Variants in ZNF605 observed in about 807,000 individuals in gnomAD.
ZNF605 encodes zinc finger protein 605.
A neutral mutation model predicts 7.9 loss-of-function variants in ZNF605; 9 were observed. That is an observed-to-expected ratio of 1.14 (90% CI 0.68 to 1.98). The LOEUF is 1.98. Ranked by LOEUF, ZNF605 falls within the 30% of genes most tolerant of loss-of-function variation. ZNF605 has a pLI of 0.00. For missense variants in ZNF605, 673 were observed against 762.4 expected, an observed-to-expected ratio of 0.88 and a Z score of 1.38; for synonymous variants, 255 against 260.1, an observed-to-expected ratio of 0.98 and a Z score of 0.19.
chr12:132,929,024 C>T (rs1186953407), intron 4 of ZNF605, among the ~76,000 whole-genome samples: 1 of 14,670 alleles, frequency 6.8e-5, no homozygotes, highest in Non-Finnish European at 3.8e-4. Context: ...AAAAACAAAA[C>T]AAAACAAAAC....
Position 132,926,896 on chromosome 12 carries a change from T to C in ZNF605, c.403A>G (p.Arg135Gly), listed in dbSNP as rs1212841247. The C allele has an allele frequency of 1.2e-6, 2 of 1,614,130 alleles. No individual in the cohort carries two copies. Among genetic ancestry groups the C allele is most frequent in the East Asian group, 4.5e-5 (2 of 44,892 alleles). The stretch of plus-strand genomic sequence containing the variant: ...CAGTATTTTATCCCACCATGGGTTC[T>C]GCCAGGTTTGATACAGAACAATAAT... ...KKLLFCIKPGRTHGGIKYCDC... is the reference protein window; with the variant it reads ...KKLLFCIKPGGTHGGIKYCDC... Residue 135 changes from arginine (R) to glycine (G), a missense_variant, in exon 5 of 5, where the codon AGA becomes GGA. Arg to Gly is a moderately radical substitution (Grantham distance 125). Transcript: ENST00000360187.
intron 1 of ZNF605, among the ~76,000 whole-genome samples, chr12:132,954,059 C>T (rs1057381975): frequency 9.2e-5 from 14 of 151,912 alleles, no homozygotes; most frequent in Non-Finnish European, 1.0e-4. Flanking sequence ...CCCCATTCAA[C>T]GATGTACACT....
chr12:132,952,450 CAAAAAAA>C lies in ZNF605; in HGVS notation c.-286+3786_-286+3792del, dbSNP rs76640666. On this transcript the variant is annotated intron_variant, in intron 1 of 4. Coordinates refer to ENST00000360187, the MANE Select transcript of ZNF605 (RefSeq NM_183238.4). ...CACTCAAGCATGGGCGACTCTGTCT[CAAAAAAA>C]AAAAAAAAAAAAGGAAATTTTAACT... 2.0e-4 allele frequency among the ~76,000 whole-genome samples: 18 copies of C among 88,938 alleles called. 1 individual carries two copies. Among genetic ancestry groups the C allele is most frequent in the Admixed American group, 9.3e-4 (7 of 7,552 alleles). 58.3% of individuals were successfully genotyped at this position (88,938 alleles called of 152,430 possible). A position where few individuals can be genotyped will look rare whatever the true frequency, so the allele number is the denominator to read the frequency against.
At chr12:132,927,750 G>A (rs1004650675) in intron 4 of ZNF605, among the ~76,000 whole-genome samples, 17 of 148,086 alleles carry the variant, frequency 1.1e-4, no homozygotes, top group African/African-American at 2.3e-4. Flanking sequence ...TCCACCTCCC[G>A]GGTTCAAGCG....
intron 1 of ZNF605, 146 bp downstream of exon 1, chr12:132,956,097 C>T (rs1952634929): frequency 6.6e-6 from 1 of 150,716 alleles, no homozygotes; most frequent in African/African-American, 2.4e-5. Flanking sequence ...GCAGGCCTTT[C>T]TCGCCCCAGC....
chr12:132,953,255 C>T (rs959530074), intron 1 of ZNF605, among the ~76,000 whole-genome samples: 38 of 152,298 alleles, frequency 2.5e-4, no homozygotes, highest in South Asian at 4.1e-4. Flanking sequence ...CCCAAGAGGC[C>T]GCCCCTCCAG....
Position 132,923,683 on chromosome 12 carries a change from T to A in ZNF605, c.*1690A>T, listed in dbSNP as rs1952222711. 1 of 152,238 alleles carries A rather than the reference T, an allele frequency of 6.6e-6. No individual in the cohort carries two copies. The highest frequency in any genetic ancestry group is 2.4e-5 in the African/African-American group (1 of 41,466). The allele number at this position is 152,238 out of a possible 1,614,324, so 9.4% of individuals were successfully genotyped here. On this transcript the variant is annotated 3_prime_UTR_variant, in exon 5 of 5. Coordinates refer to ENST00000360187, the MANE Select transcript of ZNF605 (RefSeq NM_183238.4). ...CTGCTGTGATGTAAATTATGTTTAT[T>A]CTACTTCAGGTCATTTGAGCTTCTT...
At chr12:132,939,436 C>T (rs1427743002) in intron 3 of ZNF605, among the ~76,000 whole-genome samples, 20 of 152,162 alleles carry the variant, frequency 1.3e-4, no homozygotes, top group African/African-American at 3.4e-4. Flanking sequence ...ACACACCAAT[C>T]AGCACCCTGT....
At position 132,924,301 on chromosome 12, in the gene ZNF605, CT is replaced by C. The variant is rs1164422830; in HGVS notation, c.*1071del. The C allele has an allele frequency of 6.6e-6, 1 of 152,232 alleles. No homozygotes were observed. Among genetic ancestry groups the C allele is most frequent in the African/African-American group, 2.4e-5 (1 of 41,454 alleles). The allele number at this position is 152,232 out of a possible 1,614,324, so 9.4% of individuals were successfully genotyped here. On this transcript the variant is annotated 3_prime_UTR_variant, in exon 5 of 5. Coordinates refer to ENST00000360187, the MANE Select transcript of ZNF605 (RefSeq NM_183238.4). ...AACAAAACCTTTCTGAGAATTCTAC[CT>C]GATGCTCCATGTGTTTCCACTCTGT...
At chr12:132,931,423 G>T in intron 4 of ZNF605, among the ~76,000 whole-genome samples, 1 of 152,124 alleles carries the variant, frequency 6.6e-6, no homozygotes, top group Non-Finnish European at 1.5e-5. Context: ...ATGTCCATCA[G>T]GCCTGAGTTA....
chr12:132,942,257 C>T (rs1952450526), intron 3 of ZNF605, among the ~76,000 whole-genome samples: 1 of 152,200 alleles, frequency 6.6e-6, no homozygotes, highest in Non-Finnish European at 1.5e-5. Flanking sequence ...TAAAAGCTTT[C>T]TCCTCCTCCT....
Position 132,925,399 on chromosome 12 carries a change from T to C in ZNF605, c.1900A>G (p.Ile634Val). Reference sequence around the variant, plus strand: ...TATATTATATGATTTCTCTGATGTATCATAAGCTGCGACTTCCTGTTGAAG... The same window carrying C: ...TATATTATATGATTTCTCTGATGTACCATAAGCTGCGACTTCCTGTTGAAG... ...TTFNRKSQLM[I>V]HQRNHII Residue 634 changes from isoleucine to valine, a missense_variant, in exon 5 of 5, where the codon ATA becomes GTA. Physicochemically the swap from Ile to Val is conservative, Grantham distance 29. Transcript: ENST00000360187. The C allele has an allele frequency of 6.2e-7, 1 of 1,603,780 alleles. No individual in the cohort carries two copies. The highest frequency in any genetic ancestry group is 1.1e-5 in the South Asian group (1 of 89,618).
intron 3 of ZNF605, among the ~76,000 whole-genome samples, chr12:132,937,518 C>G (rs1952381233): frequency 6.7e-6 from 1 of 150,144 alleles, no homozygotes; most frequent in Non-Finnish European, 1.5e-5. Flanking sequence ...CACACACAGA[C>G]ACACACACAC....
chr12:132,925,903 A>AT lies in ZNF605; in HGVS notation c.1395dup (p.Ser466IlefsTer9), dbSNP rs1418235653. 6.2e-7 allele frequency: 1 copy of AT among 1,613,970 alleles called. No individual in the cohort carries two copies. The highest frequency in any genetic ancestry group is 8.5e-7 in the Non-Finnish European group (1 of 1,179,976). On this transcript the variant is annotated frameshift_variant, in exon 5 of 5. Transcript: ENST00000360187. LOFTEE classifies it low-confidence loss of function (END_TRUNC). ...TCACCTGTATGTGTTCTCTGATGTGATATCAGGCTTGACTTCTGGGTGAAG... is the reference window on the plus strand; with the variant it reads ...TCACCTGTATGTGTTCTCTGATGTGATTATCAGGCTTGACTTCTGGGTGAAG...
At position 132,933,081 on chromosome 12, in the gene ZNF605, C is replaced by T; in HGVS notation, c.90G>A (p.Leu30=). 1 of 1,611,638 alleles carries T rather than the reference C, an allele frequency of 6.2e-7. No homozygotes were observed. The highest frequency in any genetic ancestry group is 1.3e-5 in the African/African-American group (1 of 74,976). The change falls in exon 4 of 5, where the codon TTG becomes TTA. Residue 30 remains leucine, a synonymous_variant. Transcript: ENST00000360187. This position sits in a 1 kb window ranked among gnomAD's most constrained non-coding sequence, Gnocchi z 4.4. ...AGTTCTCCAACATCACATCTCTGTA[C>T]AAGTTCTTCTGAGTAGGATTAAGTA... ...WQLLNPTQKN[L]YRDVMLENYS...
At position 132,925,549 on chromosome 12, in the gene ZNF605, T is replaced by C; in HGVS notation, c.1750A>G (p.Thr584Ala). The C allele has an allele frequency of 6.2e-7, 1 of 1,614,208 alleles. No individual in the cohort carries two copies. The highest frequency in any genetic ancestry group is 1.1e-5 in the South Asian group (1 of 91,086). The change falls in exon 5 of 5, where the codon ACA becomes GCA. Residue 584 changes from threonine (T) to alanine (A), a missense_variant. By Grantham distance (58) the Thr-to-Ala change is moderately conservative (BLOSUM62 0). Transcript: ENST00000360187. ...AQLIIHQRIH[T>A]GERPYKCGEC... is the part of the protein sequence containing the mutation. ...CCACATTTATATGGTCTCTCTCCTG[T>C]ATGAATTCTCTGATGTATAATCAGC...
At chr12:132,932,340 AAAT>A (rs1952316345) in intron 4 of ZNF605, among the ~76,000 whole-genome samples, 1 of 152,196 alleles carries the variant, frequency 6.6e-6, no homozygotes, top group African/African-American at 2.4e-5. Flanking sequence ...AAGAGAAGAA[AAAT>A]AATAAATTAA....
chr12:132,945,770 G>T lies in ZNF605; in HGVS notation c.-135C>A. Reference sequence around the variant, plus strand: ...TGGGCTCTTCTTTCTTATCTCACATGAATTGTCTTGTTCCAGAGGGCTATT... The same window carrying T: ...TGGGCTCTTCTTTCTTATCTCACATTAATTGTCTTGTTCCAGAGGGCTATT... On this transcript the variant is annotated 5_prime_UTR_variant, in exon 3 of 5. Coordinates refer to ENST00000360187, the MANE Select transcript of ZNF605 (RefSeq NM_183238.4). 3.1e-6 allele frequency: 4 copies of T among 1,289,218 alleles called. No homozygotes were observed. Among genetic ancestry groups the T allele is most frequent in the African/African-American group, 1.5e-5 (1 of 68,378 alleles). The allele number at this position is 1,289,218 out of a possible 1,614,324, so 79.9% of individuals were successfully genotyped here. A position where few individuals can be genotyped will look rare whatever the true frequency, so the allele number is the denominator to read the frequency against.
At chr12:132,954,032 G>A (rs1376814250) in intron 1 of ZNF605, among the ~76,000 whole-genome samples, 4 of 151,910 alleles carry the variant, frequency 2.6e-5, no homozygotes, top group African/African-American at 7.2e-5. Context: ...GCCAGGGCAC[G>A]AGCCAATAAA....
Sources: gnomAD v4.1 joint callset for allele counts (sites outside exome capture counted in the v4.1 genomes callset) on GRCh38, gnomAD v4.1.1 for gene constraint, Gnocchi (gnomAD v3.1) non-coding constraint, MANE v1.5 for transcripts, NCBI Gene and HGNC (gene_info 2026-07-23, HGNC 2026-07-21) for gene names.